Variants in PLA2G12B observed in about 807,000 individuals in gnomAD.
PLA2G12B encodes the protein phospholipase A2 group XIIB.
Under a neutral mutation model 22.3 loss-of-function variants are expected in PLA2G12B, and 19 were observed. The observed-to-expected ratio is 0.85, with a 90% CI of 0.60 to 1.25. The LOEUF (loss-of-function observed/expected upper bound fraction) is 1.25. Among genes scored for constraint, PLA2G12B ranks in the 50% most tolerant of loss-of-function variants. The probability of loss-of-function intolerance (pLI) is 0.00; values close to 1 mark genes in which losing one functional copy is unlikely to be tolerated. For synonymous variants in PLA2G12B, 81 were observed against 94.9 expected (o/e 0.85, Z 0.85); for missense variants, 191 against 246.6 (o/e 0.77, Z 1.51).
rs944875796 is a variant in PLA2G12B at position 72,941,404 on chromosome 10, C to G, written c.301-70G>C. ...CGTTTAGACTAAGGACCTTAGGCAA[C>G]CTTGCCCACCTTGTTATTAACTAGC... On this transcript the variant is annotated intron_variant, in intron 2 of 3. Coordinates refer to ENST00000373032, the MANE Select transcript of PLA2G12B (RefSeq NM_032562.5). The G allele has an allele frequency of 4.1e-6, 6 of 1,449,334 alleles. No homozygotes were observed. The South Asian group carries it at 6.3e-5, about 15-fold the overall frequency. The allele number at this position is 1,449,334 out of a possible 1,614,324, so 89.8% of individuals were successfully genotyped here. A position where few individuals can be genotyped will look rare whatever the true frequency, so the allele number is the denominator to read the frequency against.
chr10:72,941,762 C>G (rs962145811), intron 2 of PLA2G12B, among the ~76,000 whole-genome samples: 1 of 151,970 alleles, frequency 6.6e-6, no homozygotes, highest in Non-Finnish European at 1.5e-5. Context: ...ATTCAGCCTC[C>G]GTTCATCAAA....
Position 72,942,744 on chromosome 10 carries a change from G to A in PLA2G12B, c.212-4C>T. The A allele has an allele frequency of 1.3e-6, 2 of 1,587,170 alleles. No homozygotes were observed. Among genetic ancestry groups the A allele is most frequent in the Middle Eastern group, 1.7e-4 (1 of 6,006 alleles). On this transcript the variant is annotated splice_region_variant and splice_polypyrimidine_tract_variant and intron_variant, in intron 1 of 3. Coordinates refer to ENST00000373032, the MANE Select transcript of PLA2G12B (RefSeq NM_032562.5). ...GGTCTGGGCATTGGTGCCTTTCCTT[G>A]CAGGAGGAAGAAAGGAAAGAAGCAA...
chr10:72,942,149 GGTGTGTGTGTGTGT>G (rs34740594), intron 2 of PLA2G12B, among the ~76,000 whole-genome samples: 14 of 135,958 alleles, frequency 1.0e-4, no homozygotes, highest in Non-Finnish European at 1.3e-4. Context: ...CAGGGCGTCG[GGTGTGTGTGTGTGT>G]GTGTGTGTGT....
intron 1 of PLA2G12B, among the ~76,000 whole-genome samples, chr10:72,945,678 C>T (rs1193892056): frequency 3.3e-5 from 5 of 151,254 alleles, no homozygotes; most frequent in Admixed American, 6.6e-5. Context: ...GATGGAATCT[C>T]GCTCTGTTGC....
intron 1 of PLA2G12B, among the ~76,000 whole-genome samples, chr10:72,943,951 GTTTCTTTCTTTCT>G (rs1183290130): frequency 2.0e-5 from 3 of 152,224 alleles, no homozygotes; most frequent in South Asian, 2.1e-4. Flanking sequence ...GCATATGACA[GTTTCTTTCTTTCT>G]TTTCTTTCTT....
intron 1 of PLA2G12B, among the ~76,000 whole-genome samples, chr10:72,945,279 G>A (rs908241667): frequency 1.3e-5 from 2 of 152,140 alleles, no homozygotes; most frequent in African/African-American, 4.8e-5. Context: ...CTAAGATTAA[G>A]CTATAAAAGA....
In PLA2G12B at chr10:72,935,535, A is replaced by G; in HGVS notation, c.*82T>C. The G allele has an allele frequency of 3.2e-6, 5 of 1,561,576 alleles. 1 individual carries two copies. In the South Asian group the frequency reaches 6.0e-5, roughly 19 times the overall value. On this transcript the variant is annotated 3_prime_UTR_variant, in exon 4 of 4. Transcript: ENST00000373032. ...GTCCAAACTGTTGGAAGAACGAATGAGTCACGCTGACTCGAAGACTTGACA... is the reference window on the plus strand; with the variant it reads ...GTCCAAACTGTTGGAAGAACGAATGGGTCACGCTGACTCGAAGACTTGACA...
chr10:72,944,151 A>G (rs191017558), intron 1 of PLA2G12B, among the ~76,000 whole-genome samples: 257 of 151,004 alleles, frequency 1.7e-3, no homozygotes, highest in Non-Finnish European at 3.0e-3. Context: ...ATTATTTTAT[A>G]TCATGAAATA....
intron 1 of PLA2G12B, among the ~76,000 whole-genome samples, chr10:72,945,627 A>G (rs951468201): frequency 2.0e-5 from 3 of 150,994 alleles, no homozygotes; most frequent in Non-Finnish European, 4.4e-5. Flanking sequence ...TCAATAATAT[A>G]TAACTGTTGC....
chr10:72,937,517 A>G (rs965061487), intron 3 of PLA2G12B, among the ~76,000 whole-genome samples: 3 of 152,196 alleles, frequency 2.0e-5, no homozygotes, highest in African/African-American at 7.2e-5. Flanking sequence ...AAATTAGGAG[A>G]GAAGGGATCA....
intron 1 of PLA2G12B, among the ~76,000 whole-genome samples, chr10:72,946,486 T>C (rs1708426172): frequency 6.6e-6 from 1 of 152,226 alleles, no homozygotes; most frequent in Non-Finnish European, 1.5e-5. Context: ...CTGGGTCATA[T>C]GGTAACCCTG....
chr10:72,940,677 A>T (rs1463254498), intron 3 of PLA2G12B, among the ~76,000 whole-genome samples: 2 of 152,132 alleles, frequency 1.3e-5, no homozygotes, highest in African/African-American at 2.4e-5. Flanking sequence ...GTCTCAAAAA[A>T]AATTTTTTTT....
intron 3 of PLA2G12B, among the ~76,000 whole-genome samples, chr10:72,936,075 G>C (rs947707461): frequency 6.6e-6 from 1 of 151,944 alleles, no homozygotes. Context: ...CCCATCTATG[G>C]CCATACCACC....
In PLA2G12B at chr10:72,942,145, G is replaced by A. The variant is rs915008474; in HGVS notation, c.300+507C>T. 8.9e-5 allele frequency among the ~76,000 whole-genome samples: 11 copies of A among 124,238 alleles called. No homozygotes were observed. In the East Asian group the frequency reaches 1.1e-3, roughly 12 times the overall value. 81.5% of individuals were successfully genotyped at this position (124,238 alleles called of 152,430 possible). A position where few individuals can be genotyped will look rare whatever the true frequency, so the allele number is the denominator to read the frequency against. On this transcript the variant is annotated intron_variant, in intron 2 of 3. Transcript: ENST00000373032. ...CTAAAAATACAAAAATTAGCAGGGC[G>A]TCGGGTGTGTGTGTGTGTGTGTGTG... is the stretch of plus-strand genomic sequence containing the variant.
At position 72,941,287 on chromosome 10, in the gene PLA2G12B, A is replaced by G; in HGVS notation, c.348T>C (p.Asp116=). ...TGGCACCGCAAGTGTCATAACAGAC[A>G]TCCAGCTGGTTGCAGCACTTTGTCA... is the stretch of plus-strand genomic sequence containing the variant. ...PAMTKCCNQL[D]VCYDTCGANK... The change falls in exon 3 of 4, where the codon GAT becomes GAC. Residue 116 remains aspartate (D), a synonymous_variant. Transcript: ENST00000373032. The G allele has an allele frequency of 3.1e-6, 5 of 1,613,832 alleles. No individual in the cohort carries two copies. Among genetic ancestry groups the G allele is most frequent in the Non-Finnish European group, 4.2e-6 (5 of 1,179,724 alleles).
intron 1 of PLA2G12B, among the ~76,000 whole-genome samples, chr10:72,943,643 T>C (rs944013464): frequency 6.6e-6 from 1 of 152,196 alleles, no homozygotes; most frequent in Non-Finnish European, 1.5e-5. Context: ...AGAAGCTTTA[T>C]CAGTTGTATC....
Position 72,953,819 on chromosome 10 carries a change from C to T in PLA2G12B, c.211+656G>A, listed in dbSNP as rs569705499. On this transcript the variant is annotated intron_variant, in intron 1 of 3. Coordinates refer to ENST00000373032, the MANE Select transcript of PLA2G12B (RefSeq NM_032562.5). ...TGGCGCCAAGTCCAGGGGACAGCCC[C>T]GGGATCCCTGGTGAGCCACGAACCC... is the stretch of plus-strand genomic sequence containing the variant. 3.3e-5 allele frequency among the ~76,000 whole-genome samples: 5 copies of T among 152,190 alleles called. No individual in the cohort carries two copies. The South Asian group carries it at 6.2e-4, about 19-fold the overall frequency.
Position 72,954,673 on chromosome 10 carries a change from T to C in PLA2G12B, c.13A>G (p.Ser5Gly). The change falls in exon 1 of 4, where the codon AGT becomes GGT. Residue 5 changes from serine (S) to glycine (G), a missense_variant. By Grantham distance (56) the Ser-to-Gly change is moderately conservative. Transcript: ENST00000373032. MKLA[S>G]GFLVLWLSLG... ...CTGAGCCACAAAACCAAGAAGCCAC[T>C]GGCCAGCTTCATCCTGCAGCCAGGT... is the stretch of plus-strand genomic sequence containing the variant. 4 of 1,614,010 alleles carry C rather than the reference T, an allele frequency of 2.5e-6. No individual in the cohort carries two copies. The highest frequency in any genetic ancestry group is 3.4e-6 in the Non-Finnish European group (4 of 1,179,984).
At chr10:72,946,136 C>T (rs1203778956) in intron 1 of PLA2G12B, among the ~76,000 whole-genome samples, 1 of 152,148 alleles carries the variant, frequency 6.6e-6, no homozygotes, top group Non-Finnish European at 1.5e-5. Flanking sequence ...AAACCCTGTA[C>T]CCATTAACCA....
Sources: allele counts gnomAD v4.1 joint callset (sites outside exome capture counted in the v4.1 genomes callset), GRCh38; gene constraint gnomAD v4.1.1; transcripts MANE v1.5; gene names NCBI Gene and HGNC (gene_info 2026-07-23, HGNC 2026-07-21).